The following DPYS variants were observed in gnomAD, a reference collection of about 807,000 sequenced individuals.
The protein encoded by DPYS is dihydropyrimidine amidohydrolase.
In DPYS, 39 loss-of-function variants were observed where a neutral mutation model predicts 50.3. The observed-to-expected ratio is 0.78, with a 90% CI of 0.60 to 1.01. The LOEUF (loss-of-function observed/expected upper bound fraction) is 1.01. Among genes scored for constraint, DPYS ranks in the 50% least tolerant of loss-of-function variants. The pLI, the probability that DPYS is intolerant of heterozygous loss-of-function variation, is 0.00. For missense variants in DPYS, 659 were observed against 680.9 expected, an observed-to-expected ratio of 0.97 and a Z score of 0.36; for synonymous variants, 245 against 250.7, an observed-to-expected ratio of 0.98 and a Z score of 0.22.
chr8:104,386,510 G>T (rs1811217498), intron 8 of DPYS, among the ~76,000 whole-genome samples: 1 of 150,748 alleles, frequency 6.6e-6, no homozygotes, highest in East Asian at 1.9e-4. Flanking sequence ...TCTAGTCTGG[G>T]CAACTGAGTG....
At position 104,398,474 on chromosome 8, in the gene DPYS, G is replaced by C. The variant is rs560911099; in HGVS notation, c.1236-5483C>G. Among the ~76,000 whole-genome samples, 59 of 152,356 alleles carry C rather than the reference G, an allele frequency of 3.9e-4. 1 individual carries two copies. In the South Asian group the frequency reaches 0.012, roughly 32 times the overall value. On this transcript the variant is annotated intron_variant, in intron 7 of 9. Transcript: ENST00000351513. ...TCCTGGAGAGTCTATGAGCCACCCAGTATCCTTTGATACATTCCCTTTTTG... is the reference window on the plus strand; with the variant it reads ...TCCTGGAGAGTCTATGAGCCACCCACTATCCTTTGATACATTCCCTTTTTG...
At chr8:104,464,801 AT>A (rs1270518008) in intron 1 of DPYS, among the ~76,000 whole-genome samples, 1 of 152,202 alleles carries the variant, frequency 6.6e-6, no homozygotes, top group Admixed American at 6.5e-5. Context: ...TTTTCCTATT[AT>A]TTTTCCAATT....
At chr8:104,429,374 A>G in intron 5 of DPYS, 171 bp downstream of exon 5, 1 of 699,788 alleles carries the variant, frequency 1.4e-6, no homozygotes. Flanking sequence ...ATATCACAGC[A>G]TAATTAAGTC....
In DPYS at chr8:104,444,418, G is replaced by T. The variant is rs763550204; in HGVS notation, c.623C>A (p.Ala208Asp). ...LIAEGAKKML[A>D]LGITGPEGHE... ...GCCCTCAGGGCCTGTTATCCCCAGA[G>T]CCAACATCTTCTTTGCTCCCTAAAA... is the stretch of plus-strand genomic sequence containing the variant. Residue 208 changes from alanine to aspartate, a missense_variant, in exon 4 of 10, where the codon GCT (alanine) becomes GAT (aspartate). Ala to Asp is a moderately radical substitution (Grantham distance 126, BLOSUM62 -2). Coordinates refer to ENST00000351513, the MANE Select transcript of DPYS (RefSeq NM_001385.3). The T allele has an allele frequency of 1.2e-6, 2 of 1,614,096 alleles. No individual in the cohort carries two copies. Among genetic ancestry groups the T allele is most frequent in the South Asian group, 2.2e-5 (2 of 91,090 alleles).
At chr8:104,412,774 G>C (rs1400151836) in intron 7 of DPYS, among the ~76,000 whole-genome samples, 1 of 152,080 alleles carries the variant, frequency 6.6e-6, no homozygotes. Flanking sequence ...AAGACAACTG[G>C]GGCAAAAAGC....
chr8:104,466,538 C>A (rs1252009615), intron 1 of DPYS, 119 bp downstream of exon 1: 2 of 1,189,948 alleles, frequency 1.7e-6, no homozygotes, highest in Non-Finnish European at 2.2e-6. Context: ...CCTTCCCGCC[C>A]ACCCAGCTCC....
chr8:104,457,834 C>T (rs1813981911), intron 1 of DPYS, among the ~76,000 whole-genome samples: 1 of 152,206 alleles, frequency 6.6e-6, no homozygotes, highest in African/African-American at 2.4e-5. Context: ...ATTAATCACA[C>T]TATCATCCAA....
At chr8:104,387,113 T>C (rs893884186) in intron 8 of DPYS, among the ~76,000 whole-genome samples, 1 of 152,046 alleles carries the variant, frequency 6.6e-6, no homozygotes, top group African/African-American at 2.4e-5. Context: ...TCCCTGAGAA[T>C]GAAATCCACG....
intron 1 of DPYS, among the ~76,000 whole-genome samples, chr8:104,453,128 A>T (rs1160118896): frequency 6.6e-6 from 1 of 151,998 alleles, no homozygotes; most frequent in Non-Finnish European, 1.5e-5. Context: ...TTTCTTGCTT[A>T]CTTCAATAGA....
At chr8:104,401,982 C>G (rs942826972) in intron 7 of DPYS, among the ~76,000 whole-genome samples, 4 of 152,226 alleles carry the variant, frequency 2.6e-5, no homozygotes, top group African/African-American at 4.8e-5. Context: ...ACTTGGAACT[C>G]TACCGGTGCT....
At chr8:104,431,058 A>T (rs988244164) in intron 4 of DPYS, among the ~76,000 whole-genome samples, 3 of 152,200 alleles carry the variant, frequency 2.0e-5, no homozygotes, top group African/African-American at 7.2e-5. Context: ...AGACCTTCCT[A>T]TTCCAAGGGA....
chr8:104,396,256 C>T (rs1237622920), intron 7 of DPYS, among the ~76,000 whole-genome samples: 1 of 152,052 alleles, frequency 6.6e-6, no homozygotes, highest in Non-Finnish European at 1.5e-5. Flanking sequence ...TTACAGCATA[C>T]TATATAAAGA....
chr8:104,437,967 G>A (rs1813206440), intron 4 of DPYS, among the ~76,000 whole-genome samples: 1 of 152,178 alleles, frequency 6.6e-6, no homozygotes, highest in Non-Finnish European at 1.5e-5. Context: ...GAAGGAAACT[G>A]TGCCTTCATA....
chr8:104,390,037 G>A (rs1564079371), intron 8 of DPYS, among the ~76,000 whole-genome samples: 1 of 152,168 alleles, frequency 6.6e-6, no homozygotes. Context: ...GAAGACTAAG[G>A]CAAAGCCAAG....
At chr8:104,428,556 G>A (rs1812818242) in intron 5 of DPYS, among the ~76,000 whole-genome samples, 1 of 152,264 alleles carries the variant, frequency 6.6e-6, no homozygotes, top group Non-Finnish European at 1.5e-5. Context: ...CTCATGAATG[G>A]AGGGCAGGCC....
chr8:104,432,088 A>G (rs1301271471), intron 4 of DPYS, among the ~76,000 whole-genome samples: 1 of 152,166 alleles, frequency 6.6e-6, no homozygotes, highest in Non-Finnish European at 1.5e-5. Context: ...GGAGGGTTTC[A>G]ACAACTCTTA....
rs188038278 is a variant in DPYS, at chr8:104,447,348, C to T, written c.579G>A (p.Ala193=). Reference sequence around the variant, plus strand: ...CCTCTGCAATTAAGTCTCCATTTTCCGCATGGACCTGGGCAATTGCTCCAA... The same window carrying T: ...CCTCTGCAATTAAGTCTCCATTTTCTGCATGGACCTGGGCAATTGCTCCAA... ...KEIGAIAQVH[A]ENGDLIAEGA... is the part of the protein sequence containing the mutation. Residue 193 remains alanine, a synonymous_variant, in exon 3 of 10, where the codon GCG becomes GCA. Transcript: ENST00000351513. The T allele has an allele frequency of 9.7e-5, 157 of 1,614,080 alleles. No individual in the cohort carries two copies. Among genetic ancestry groups the T allele is most frequent in the South Asian group, 1.3e-4 (12 of 91,062 alleles).
At chr8:104,430,967 T>A (rs1029275916) in intron 4 of DPYS, among the ~76,000 whole-genome samples, 10 of 152,142 alleles carry the variant, frequency 6.6e-5, no homozygotes, top group African/African-American at 2.4e-4. Context: ...TGCCCAATCG[T>A]TTTTAGTGAA....
chr8:104,386,396 G>A (rs965872163), intron 8 of DPYS, among the ~76,000 whole-genome samples: 1 of 151,840 alleles, frequency 6.6e-6, no homozygotes, highest in African/African-American at 2.4e-5. Context: ...ATCCAGGTGT[G>A]GTGGCCTACG....
Sources: allele counts gnomAD v4.1 joint callset (sites outside exome capture counted in the v4.1 genomes callset), GRCh38; gene constraint gnomAD v4.1.1; transcripts MANE v1.5; gene names NCBI Gene and HGNC (gene_info 2026-07-23, HGNC 2026-07-21).